HEATR5B: variants seen among roughly 807,000 people sequenced by gnomAD.
HEATR5B encodes the protein HEAT repeat-containing protein 5B.
Under a neutral mutation model 224.1 loss-of-function variants are expected in HEATR5B, and 156 were observed. The observed-to-expected ratio is 0.70, with a 90% confidence interval of 0.61 to 0.80. HEATR5B has a LOEUF of 0.80. Ranked by LOEUF, HEATR5B falls within the 30% of genes least tolerant of loss-of-function variation. The pLI, the probability that HEATR5B is intolerant of heterozygous loss-of-function variation, is 0.00. For synonymous variants in HEATR5B, 1,027 were observed against 893.0 expected (o/e 1.15, Z -2.68); for missense variants, 2,323 against 2,535.5 (o/e 0.92, Z 1.80).
chr2:37,019,813 C>T lies in HEATR5B; in HGVS notation c.4100G>A (p.Cys1367Tyr). The change falls in exon 26 of 36, where the codon TGC (cysteine) becomes TAC (tyrosine). Residue 1367 changes from cysteine (C) to tyrosine (Y), a missense_variant. Cys to Tyr is a radical substitution (Grantham distance 194, BLOSUM62 -2). Transcript: ENST00000233099. Reference sequence around the variant, plus strand: ...AAGTCCCATTTTTCTTCTTACCTGGCAAGCTTTCGCTATTATATCTGATGG... The same window carrying T: ...AAGTCCCATTTTTCTTCTTACCTGGTAAGCTTTCGCTATTATATCTGATGG... ...DTPSDIIAKA[C>Y]QVCSTWIGSG... 1 of 1,604,118 alleles carries T rather than the reference C, an allele frequency of 6.2e-7. No homozygotes were observed. The highest frequency in any genetic ancestry group is 8.5e-7 in the Non-Finnish European group (1 of 1,172,286).
chr2:37,056,720 C>CA, intron 15 of HEATR5B, 105 bp from the exon 16 acceptor site: 1 of 913,490 alleles, frequency 1.1e-6, no homozygotes, highest in Non-Finnish European at 1.6e-6. Flanking sequence ...GAAAAGGCAA[C>CA]AAAAAAAGAA....
At position 36,990,752 on chromosome 2, in the gene HEATR5B, C is replaced by T. The variant is rs1301586111; in HGVS notation, c.5593G>A (p.Ala1865Thr). 1.2e-6 allele frequency: 2 copies of T among 1,611,088 alleles called. No individual in the cohort carries two copies. The highest frequency in any genetic ancestry group is 1.7e-6 in the Non-Finnish European group (2 of 1,178,152). Residue 1865 changes from alanine to threonine, a missense_variant, in exon 34 of 36, where the codon GCA (alanine) becomes ACA (threonine). Physicochemically the swap from Ala to Thr is moderately conservative, Grantham distance 58. This residue lies in a region of HEATR5B where 844 missense variants were observed against 812.9 expected (regional missense o/e 1.04). Coordinates refer to ENST00000233099, the MANE Select transcript of HEATR5B (RefSeq NM_019024.3). ...PDEVSMLTAI[A>T]LFLWSASNEI... ...TTACTAGCAGACCACAGGAAGAGTG[C>T]AATTGCTGTTAGCATGCTTACTTCA... is the stretch of plus-strand genomic sequence containing the variant.
At chr2:37,063,103 G>T (rs187227999) in intron 10 of HEATR5B, among the ~76,000 whole-genome samples, 94 of 152,282 alleles carry the variant, frequency 6.2e-4, no homozygotes, top group African/African-American at 2.1e-3. Context: ...CCCAGGCAAG[G>T]TTAGCTCAAT....
chr2:37,067,336 A>T (rs756848248), intron 8 of HEATR5B, among the ~76,000 whole-genome samples: 1 of 152,362 alleles, frequency 6.6e-6, no homozygotes, highest in South Asian at 2.1e-4. Context: ...CATTTCCTCA[A>T]TGAATCAATG....
intron 18 of HEATR5B, among the ~76,000 whole-genome samples, chr2:37,045,957 T>A (rs1242300246): frequency 2.6e-5 from 4 of 152,236 alleles, no homozygotes; most frequent in Non-Finnish European, 5.9e-5. Flanking sequence ...GTAAATACAG[T>A]CCCTGTTATT....
At chr2:37,023,238 C>T (rs1668574088) in intron 24 of HEATR5B, among the ~76,000 whole-genome samples, 2 of 152,084 alleles carry the variant, frequency 1.3e-5, no homozygotes, top group South Asian at 2.1e-4. Flanking sequence ...AAAGACTTAG[C>T]AACACAAATT....
chr2:36,987,189 G>A (rs1402064753), intron 35 of HEATR5B, among the ~76,000 whole-genome samples: 1 of 152,162 alleles, frequency 6.6e-6, no homozygotes, highest in African/African-American at 2.4e-5. Context: ...AGCACTTTGG[G>A]AGGCTGAGGC....
intron 4 of HEATR5B, 74 bp from the exon 5 acceptor site, chr2:37,075,708 AG>A: frequency 8.4e-7 from 1 of 1,197,316 alleles, no homozygotes; most frequent in Non-Finnish European, 1.2e-6. Flanking sequence ...CCAAGACAAA[AG>A]TTCTTTGGGT....
chr2:37,017,796 T>C (rs924821167), intron 26 of HEATR5B, among the ~76,000 whole-genome samples: 3 of 152,128 alleles, frequency 2.0e-5, no homozygotes, highest in South Asian at 2.1e-4. Context: ...TAAAATAATA[T>C]TCAGAGAAAA....
At chr2:37,076,067 C>A (rs1452210720) in intron 4 of HEATR5B, 2 of 153,110 alleles carry the variant, frequency 1.3e-5, no homozygotes, top group Non-Finnish European at 2.9e-5. Flanking sequence ...ATACAGCAAA[C>A]CTTCATCTTC....
rs530519007 is a variant in HEATR5B, at chr2:37,020,901, T to G, written c.3854-65A>C. 4 of 893,678 alleles carry G rather than the reference T, an allele frequency of 4.5e-6. No homozygotes were observed. The South Asian group carries it at 8.8e-5, about 20-fold the overall frequency. The allele number at this position is 893,678 out of a possible 1,614,324, so 55.4% of individuals were successfully genotyped here. On this transcript the variant is annotated intron_variant, in intron 24 of 35. Coordinates refer to ENST00000233099, the MANE Select transcript of HEATR5B (RefSeq NM_019024.3). ...AAAAATAAGTGTAATAACATAAAAA[T>G]ATGAAATGAAATAAATTTTTGATAA...
intron 8 of HEATR5B, among the ~76,000 whole-genome samples, chr2:37,066,640 C>T (rs1199383615): frequency 6.6e-6 from 1 of 152,040 alleles, no homozygotes; most frequent in Non-Finnish European, 1.5e-5. Flanking sequence ...AGATCGCTTG[C>T]CAAACTACTA....
chr2:37,000,446 C>T, intron 33 of HEATR5B, 140 bp downstream of exon 33: 5 of 664,838 alleles, frequency 7.5e-6, no homozygotes, highest in Non-Finnish European at 1.3e-5. Flanking sequence ...TTAAAGTTCA[C>T]ATCTGAAAGA....
chr2:37,069,017 A>G (rs1435831061), intron 7 of HEATR5B, 87 bp from the exon 8 acceptor site: 3 of 1,315,570 alleles, frequency 2.3e-6, no homozygotes, highest in Non-Finnish European at 3.1e-6. Flanking sequence ...ATAACTGATA[A>G]CAGCATGCTG....
Position 37,010,519 on chromosome 2 carries a change from G to GT in HEATR5B, c.4285-1672dup, listed in dbSNP as rs1399212259. On this transcript the variant is annotated intron_variant, in intron 27 of 35. Transcript: ENST00000233099. ...TCCCCCCTAAATTTGTTATTACACT[G>GT]TTTTTTTTTTTGAGATGGGAGTCTC... is the stretch of plus-strand genomic sequence containing the variant. Among the ~76,000 whole-genome samples the GT allele has an allele frequency of 3.5e-3, 421 of 119,918 alleles. 2 individuals carry two copies. Among genetic ancestry groups the GT allele is most frequent in the African/African-American group, 3.9e-3 (132 of 33,472 alleles). The allele number at this position is 119,918 out of a possible 152,430, so 78.7% of individuals were successfully genotyped here.
chr2:37,062,111 G>C (rs1671318122), intron 10 of HEATR5B, 61 bp from the exon 11 acceptor site: 1 of 1,000,894 alleles, frequency 1.0e-6, no homozygotes, highest in Admixed American at 1.7e-5. Context: ...TAAGGAAACA[G>C]ATAACTAGCA....
chr2:37,028,544 AG>A (rs1173044226), intron 23 of HEATR5B, 136 bp downstream of exon 23: 12 of 624,846 alleles, frequency 1.9e-5, no homozygotes, highest in Non-Finnish European at 2.8e-5. Context: ...ATTTTGACAG[AG>A]ATTTGTAGAT....
At chr2:36,984,225 T>TATATATA (rs1553411524) in intron 35 of HEATR5B, among the ~76,000 whole-genome samples, 2 of 75,318 alleles carry the variant, frequency 2.7e-5, no homozygotes, top group African/African-American at 1.2e-4. Context: ...AATATATATA[T>TATATATA]ATATATATAT....
chr2:37,008,913 T>C (rs1667605844), intron 27 of HEATR5B, 65 bp from the exon 28 acceptor site: 1 of 1,018,574 alleles, frequency 9.8e-7, no homozygotes. Flanking sequence ...TATTTTACGT[T>C]ATTATAAAAA....
Sources: gnomAD v4.1 joint callset for allele counts (sites outside exome capture counted in the v4.1 genomes callset) on GRCh38, gnomAD v4.1.1 for gene constraint, gnomAD v4.1.1 regional missense constraint, MANE v1.5 for transcripts, NCBI Gene and HGNC (gene_info 2026-07-23, HGNC 2026-07-21) for gene names.